SGCD: variants seen among roughly 807,000 people sequenced by gnomAD.
SGCD encodes the protein sarcoglycan delta.
A neutral mutation model predicts 36.6 loss-of-function variants in SGCD; 18 were observed. The ratio of observed to expected loss-of-function variants is 0.49; its 90% CI spans 0.34 to 0.73. The LOEUF is 0.73. Ranked by LOEUF, SGCD falls within the 30% of genes least tolerant of loss-of-function variation. The pLI, the probability that SGCD is intolerant of heterozygous loss-of-function variation, is 0.01. For synonymous variants in SGCD, 133 were observed against 130.6 expected (o/e 1.02, Z -0.12); for missense variants, 387 against 346.7 (o/e 1.12, Z -0.92).
chr5:156,046,700 C>T (rs541426909), intron 1 of SGCD, among the ~76,000 whole-genome samples: 103 of 152,162 alleles, frequency 6.8e-4, no homozygotes, highest in Non-Finnish European at 1.0e-3. Context: ...CTGACCAGCA[C>T]TTCCCCTACT....
At chr5:156,552,884 C>T (rs1758853432) in intron 4 of SGCD, among the ~76,000 whole-genome samples, 1 of 152,092 alleles carries the variant, frequency 6.6e-6, no homozygotes, top group Non-Finnish European at 1.5e-5. Flanking sequence ...TAGCTCCTTC[C>T]ACCTTAAAGA....
intron 1 of SGCD, among the ~76,000 whole-genome samples, chr5:156,085,993 A>G (rs1203626840): frequency 6.6e-6 from 1 of 152,210 alleles, no homozygotes; most frequent in Non-Finnish European, 1.5e-5. Flanking sequence ...TGAACGTTTT[A>G]AAAGGATTCC....
intron 4 of SGCD, among the ~76,000 whole-genome samples, chr5:156,553,807 T>C (rs1029129113): frequency 6.6e-6 from 1 of 152,232 alleles, no homozygotes; most frequent in Non-Finnish European, 1.5e-5. Context: ...TTTTTATGGC[T>C]GAATTACTAT....
At chr5:156,113,600 G>A (rs1252787995) in intron 1 of SGCD, among the ~76,000 whole-genome samples, 1 of 152,134 alleles carries the variant, frequency 6.6e-6, no homozygotes, top group African/African-American at 2.4e-5. Flanking sequence ...AGACAGTTTG[G>A]CAGTTTCTTA....
intron 4 of SGCD, among the ~76,000 whole-genome samples, chr5:156,558,681 T>C (rs915198980): frequency 1.3e-5 from 2 of 152,146 alleles, no homozygotes; most frequent in Admixed American, 6.6e-5. Flanking sequence ...GGAACAGAGA[T>C]TGATCATAAC....
chr5:155,853,686 C>T, the SGCD span, among the ~76,000 whole-genome samples: 3 of 152,036 alleles, frequency 2.0e-5, no homozygotes, highest in Non-Finnish European at 4.4e-5. Context: ...TCAACGTTCC[C>T]AGAGGGATTG....
At chr5:155,813,100 T>C in the SGCD span, among the ~76,000 whole-genome samples, 4 of 151,998 alleles carry the variant, frequency 2.6e-5, no homozygotes, top group African/African-American at 9.7e-5. Context: ...TCTTTGTCAT[T>C]GCATCTAGTA....
At chr5:156,502,269 A>G (rs113616830) in intron 3 of SGCD, among the ~76,000 whole-genome samples, 3,310 of 151,988 alleles carry the variant, frequency 0.022, 68 homozygotes, top group Non-Finnish European at 0.034. Flanking sequence ...GATGGTCTCG[A>G]TCTCCTGACC....
At position 156,344,475 on chromosome 5, in the gene SGCD, C is replaced by T; in HGVS notation, c.4-14C>T. 1 of 1,537,124 alleles carries T rather than the reference C, an allele frequency of 6.5e-7. No homozygotes were observed. Among genetic ancestry groups the T allele is most frequent in the Non-Finnish European group, 8.7e-7 (1 of 1,150,292 alleles). The stretch of plus-strand genomic sequence containing the variant: ...TTTAATGTGAGTGCTTCTCTCTTGC[C>T]TCGTTTATTTCAGATGCCTCAGGAG... On this transcript the variant is annotated splice_polypyrimidine_tract_variant and intron_variant, in intron 2 of 8. Transcript: ENST00000337851.
chr5:156,689,563 AGG>A (rs987235643), intron 7 of SGCD, among the ~76,000 whole-genome samples: 1 of 152,178 alleles, frequency 6.6e-6, no homozygotes, highest in African/African-American at 2.4e-5. Flanking sequence ...CTCCAAGGAA[AGG>A]GAAGTAGGAA....
intron 3 of SGCD, among the ~76,000 whole-genome samples, chr5:156,297,623 C>T (rs1293635577): frequency 8.4e-6 from 1 of 118,478 alleles, no homozygotes; most frequent in Admixed American, 1.2e-4. Context: ...GAATATCACA[C>T]TCTGGGGACT....
At chr5:155,996,263 A>T (rs1381763204) in intron 1 of SGCD, among the ~76,000 whole-genome samples, 1 of 151,794 alleles carries the variant, frequency 6.6e-6, no homozygotes, top group Non-Finnish European at 1.5e-5. Context: ...ATTTTTTCTG[A>T]TCTTCTCCCT....
At chr5:156,541,842 G>T (rs1419484167) in intron 4 of SGCD, among the ~76,000 whole-genome samples, 2 of 152,082 alleles carry the variant, frequency 1.3e-5, no homozygotes, top group Non-Finnish European at 2.9e-5. Context: ...TCGTAGCATT[G>T]GCAAATACAG....
At chr5:155,859,826 A>G in the SGCD span, among the ~76,000 whole-genome samples, 2 of 152,168 alleles carry the variant, frequency 1.3e-5, no homozygotes, top group Admixed American at 6.5e-5. Context: ...TGTGGCCTTA[A>G]AAATTGGTGA....
At chr5:156,552,549 T>C (rs1176539238) in intron 4 of SGCD, among the ~76,000 whole-genome samples, 1 of 152,184 alleles carries the variant, frequency 6.6e-6, no homozygotes, top group African/African-American at 2.4e-5. Flanking sequence ...AGAAGACTTT[T>C]CTTTGCCTAC....
chr5:156,421,053 G>C (rs112460575), intron 3 of SGCD, among the ~76,000 whole-genome samples: 6 of 151,960 alleles, frequency 3.9e-5, no homozygotes, highest in African/African-American at 1.4e-4. Flanking sequence ...TGCTTATTTA[G>C]CAGAGCCTGA....
chr5:155,833,609 C>T, the SGCD span, among the ~76,000 whole-genome samples: 1 of 152,086 alleles, frequency 6.6e-6, no homozygotes. Context: ...AATTTGAAAC[C>T]AAGGGGGGAA....
intron 7 of SGCD, among the ~76,000 whole-genome samples, chr5:156,751,812 C>T (rs1757156884): frequency 6.6e-6 from 1 of 152,194 alleles, no homozygotes; most frequent in African/African-American, 2.4e-5. Flanking sequence ...ACAACTGGAA[C>T]ATTATACACT....
At chr5:155,795,315 A>G in the SGCD span, among the ~76,000 whole-genome samples, 2 of 152,288 alleles carry the variant, frequency 1.3e-5, no homozygotes, top group South Asian at 4.1e-4. Flanking sequence ...AGGAGTTCAT[A>G]TAGATTAAAA....
Sources: gnomAD v4.1 joint callset for allele counts (sites outside exome capture counted in the v4.1 genomes callset) on GRCh38, gnomAD v4.1.1 for gene constraint, MANE v1.5 for transcripts, NCBI Gene and HGNC (gene_info 2026-07-23, HGNC 2026-07-21) for gene names.